CHRM3: variants seen among roughly 807,000 people sequenced by gnomAD.
The protein encoded by CHRM3 is cholinergic receptor muscarinic 3.
In CHRM3, 11 loss-of-function variants were observed where a neutral mutation model predicts 41.8. The ratio of observed to expected loss-of-function variants is 0.26; its 90% CI spans 0.17 to 0.44. The LOEUF is 0.44. Among genes scored for constraint, CHRM3 ranks in the 20% least tolerant of loss-of-function variants. The pLI, the probability that CHRM3 is intolerant of heterozygous loss-of-function variation, is 1.00. For synonymous variants in CHRM3, 297 were observed against 301.4 expected, an observed-to-expected ratio of 0.99 and a Z score of 0.15; for missense variants, 571 against 745.4, an observed-to-expected ratio of 0.77 and a Z score of 2.72.
chr1:239,573,590 C>T (rs943702475), intron 3 of CHRM3, among the ~76,000 whole-genome samples: 2 of 152,020 alleles, frequency 1.3e-5, no homozygotes, highest in Admixed American at 6.6e-5. Context: ...TGCATAGTCT[C>T]ATAGAACTAT....
chr1:239,464,824 C>T (rs1281626241), intron 1 of CHRM3, among the ~76,000 whole-genome samples: 1 of 152,046 alleles, frequency 6.6e-6, no homozygotes, highest in African/African-American at 2.4e-5. Context: ...GTCCTGTTCT[C>T]TTTTATTAAA....
chr1:239,837,992 A>G lies in CHRM3; in HGVS notation c.-20+10614A>G, dbSNP rs117446090. On this transcript the variant is annotated intron_variant, in intron 6 of 6. Transcript: ENST00000676153. The stretch of plus-strand genomic sequence containing the variant: ...ACTAAAAGGCAAAAATAGTAAAATA[A>G]AAACACTTTATGGAATTTTAACGAA... Among the ~76,000 whole-genome samples the G allele has an allele frequency of 3.9e-5, 6 of 152,354 alleles. No individual in the cohort carries two copies. The East Asian group carries it at 1.2e-3, about 29-fold the overall frequency.
intron 6 of CHRM3, among the ~76,000 whole-genome samples, chr1:239,875,141 T>C (rs1165433818): frequency 6.6e-6 from 1 of 152,250 alleles, no homozygotes; most frequent in African/African-American, 2.4e-5. Flanking sequence ...GCCAGCTTTA[T>C]TTAAAGCTTT....
In CHRM3 at chr1:239,548,804, G is replaced by A. The variant is rs115488002; in HGVS notation, c.-313+3055G>A. ...ACTTCTAGCCCTTCAATGCAGCCAA[G>A]ATGCACATTATGAAGTCTCGTATTA... On this transcript the variant is annotated intron_variant, in intron 3 of 6. Transcript: ENST00000676153. Among the ~76,000 whole-genome samples the A allele has an allele frequency of 7.0e-3, 1,063 of 152,328 alleles. 12 individuals are homozygous for A. Among genetic ancestry groups the A allele is most frequent in the African/African-American group, 0.025 (1,025 of 41,566 alleles).
In CHRM3 at chr1:239,910,071, G is replaced by A. The variant is rs1181166120; in HGVS notation, c.*847G>A. On this transcript the variant is annotated 3_prime_UTR_variant, in exon 7 of 7. Transcript: ENST00000676153. ...CCTTCCCAGCAGGTCTGTGCAGAGC[G>A]GACAGGCTCGTGAGTCAGCTGAGCG... 4 of 166,966 alleles carry A rather than the reference G, an allele frequency of 2.4e-5. No individual in the cohort carries two copies. The highest frequency in any genetic ancestry group is 6.5e-5 in the Admixed American group (1 of 15,278). 10.3% of individuals were successfully genotyped at this position (166,966 alleles called of 1,614,324 possible). A position where few individuals can be genotyped will look rare whatever the true frequency, so the allele number is the denominator to read the frequency against.
intron 5 of CHRM3, among the ~76,000 whole-genome samples, chr1:239,816,590 C>T (rs1238089975): frequency 6.6e-6 from 1 of 152,018 alleles, no homozygotes; most frequent in Non-Finnish European, 1.5e-5. Flanking sequence ...CCAGGAAGTA[C>T]CAAGCAAGGT....
chr1:239,864,519 TACAC>T (rs199613762), intron 6 of CHRM3, among the ~76,000 whole-genome samples: 41 of 148,136 alleles, frequency 2.8e-4, no homozygotes, highest in South Asian at 1.9e-3. Flanking sequence ...AAACAGAAAA[TACAC>T]ACACACACAC....
chr1:239,686,586 C>CT (rs1169760650), intron 5 of CHRM3, among the ~76,000 whole-genome samples: 1 of 152,150 alleles, frequency 6.6e-6, no homozygotes, highest in East Asian at 1.9e-4. Flanking sequence ...CTGCACTATA[C>CT]TTTATCAATT....
At chr1:239,416,162 GT>G (rs1190610003) in intron 1 of CHRM3, among the ~76,000 whole-genome samples, 1 of 152,214 alleles carries the variant, frequency 6.6e-6, no homozygotes, top group African/African-American at 2.4e-5. Context: ...AGATTTTCCA[GT>G]GGTCATAGGT....
At chr1:239,787,613 A>G (rs1669011049) in intron 5 of CHRM3, among the ~76,000 whole-genome samples, 1 of 152,182 alleles carries the variant, frequency 6.6e-6, no homozygotes, top group African/African-American at 2.4e-5. Flanking sequence ...AAAGTGAAAC[A>G]GGCAGACCCA....
intron 5 of CHRM3, among the ~76,000 whole-genome samples, chr1:239,789,727 C>T (rs1177492286): frequency 6.6e-6 from 1 of 152,152 alleles, no homozygotes; most frequent in Non-Finnish European, 1.5e-5. Flanking sequence ...AGGGGTCCAC[C>T]CCTATGACCC....
chr1:239,643,822 A>T (rs1162943896), intron 4 of CHRM3, among the ~76,000 whole-genome samples: 2 of 152,042 alleles, frequency 1.3e-5, no homozygotes, highest in African/African-American at 4.8e-5. Flanking sequence ...TGAACCCGGG[A>T]CCTCAGGTGG....
chr1:239,598,628 C>A (rs944159467), intron 3 of CHRM3, among the ~76,000 whole-genome samples: 1 of 152,198 alleles, frequency 6.6e-6, no homozygotes, highest in East Asian at 1.9e-4. Context: ...AGGGACAGTA[C>A]CCCCTGACTT....
intron 2 of CHRM3, among the ~76,000 whole-genome samples, chr1:239,517,057 A>G (rs1349662435): frequency 6.6e-6 from 1 of 152,138 alleles, no homozygotes; most frequent in Non-Finnish European, 1.5e-5. Context: ...TTATAATACA[A>G]TAATAATAGA....
chr1:239,593,418 G>T (rs998994009), intron 3 of CHRM3, among the ~76,000 whole-genome samples: 1 of 151,838 alleles, frequency 6.6e-6, no homozygotes, highest in Admixed American at 6.6e-5. Flanking sequence ...ATCATTTGGA[G>T]CATTGGACCA....
At chr1:239,617,090 C>T (rs928076399) in intron 3 of CHRM3, among the ~76,000 whole-genome samples, 2 of 152,006 alleles carry the variant, frequency 1.3e-5, no homozygotes, top group Non-Finnish European at 2.9e-5. Context: ...AGCATAGCTC[C>T]CCTACATGGT....
At chr1:239,598,173 A>G (rs1391337607) in intron 3 of CHRM3, among the ~76,000 whole-genome samples, 1 of 152,172 alleles carries the variant, frequency 6.6e-6, no homozygotes, top group African/African-American at 2.4e-5. Flanking sequence ...GTAAGACCCC[A>G]GGATCTTAGA....
At chr1:239,391,683 A>G (rs1474916487) in intron 1 of CHRM3, among the ~76,000 whole-genome samples, 1 of 152,196 alleles carries the variant, frequency 6.6e-6, no homozygotes, top group Non-Finnish European at 1.5e-5. Context: ...CAGGAAGTCA[A>G]CAGAAGGAAT....
intron 4 of CHRM3, among the ~76,000 whole-genome samples, chr1:239,633,446 C>T (rs985009455): frequency 4.6e-5 from 7 of 152,144 alleles, no homozygotes; most frequent in African/African-American, 1.4e-4. Flanking sequence ...ATAGAGATTA[C>T]GGTTCGAGAT....
Sources: gnomAD v4.1 joint callset for allele counts (sites outside exome capture counted in the v4.1 genomes callset) on GRCh38, gnomAD v4.1.1 for gene constraint, MANE v1.5 for transcripts, NCBI Gene and HGNC (gene_info 2026-07-23, HGNC 2026-07-21) for gene names.